The following ULK4 variants were observed in gnomAD, a reference collection of about 807,000 sequenced individuals.
The protein encoded by ULK4 is inactive serine/threonine-protein kinase ULK4.
A neutral mutation model predicts 160.6 loss-of-function variants in ULK4; 133 were observed. The ratio of observed to expected loss-of-function variants is 0.83; its 90% confidence interval spans 0.72 to 0.96. The LOEUF (loss-of-function observed/expected upper bound fraction) is 0.96, where lower values mean the gene tolerates loss of function less well. Ranked by LOEUF, ULK4 falls within the 40% of genes least tolerant of loss-of-function variation. ULK4 has a pLI of 0.00. For missense variants in ULK4, 1,580 were observed against 1,499.5 expected (o/e 1.05, Z -0.89); for synonymous variants, 534 against 539.8 (o/e 0.99, Z 0.15).
chr3:41,918,228 C>T (rs1412588142), intron 7 of ULK4, among the ~76,000 whole-genome samples: 1 of 152,042 alleles, frequency 6.6e-6, no homozygotes. Flanking sequence ...GATATAGATG[C>T]ACAAAATAGT....
intron 2 of ULK4, 75 bp downstream of exon 2, chr3:41,954,547 A>C: frequency 6.7e-7 from 1 of 1,498,896 alleles, no homozygotes; most frequent in Non-Finnish European, 9.0e-7. Context: ...TTCAATGACT[A>C]CTGTGAAAAT....
At chr3:41,510,802 A>T (rs924715071) in intron 32 of ULK4, among the ~76,000 whole-genome samples, 16 of 152,174 alleles carry the variant, frequency 1.1e-4, no homozygotes, top group African/African-American at 3.9e-4. Flanking sequence ...GACACAAGCT[A>T]TCAAAACCTT....
intron 17 of ULK4, among the ~76,000 whole-genome samples, chr3:41,857,858 T>C (rs2042397203): frequency 7.4e-6 from 1 of 134,898 alleles, no homozygotes; most frequent in Non-Finnish European, 1.5e-5. Flanking sequence ...CTGGTTTTCT[T>C]AGTCTGGCTA....
intron 30 of ULK4, among the ~76,000 whole-genome samples, chr3:41,642,698 T>C (rs1172262129): frequency 2.0e-5 from 3 of 152,236 alleles, no homozygotes; most frequent in Non-Finnish European, 2.9e-5. Flanking sequence ...CCTTTGGGTA[T>C]ATACCCAGTA....
chr3:41,468,117 G>A (rs551455909), intron 32 of ULK4, among the ~76,000 whole-genome samples: 1 of 152,224 alleles, frequency 6.6e-6, no homozygotes, highest in South Asian at 2.1e-4. Flanking sequence ...GAGTTTCTAG[G>A]TAATTTTAAG....
intron 32 of ULK4, among the ~76,000 whole-genome samples, chr3:41,463,492 A>C (rs747804652): frequency 7.9e-5 from 12 of 152,194 alleles, no homozygotes; most frequent in Non-Finnish European, 1.5e-4. Flanking sequence ...TTTGATGCAA[A>C]GGTTCCAAAC....
At position 41,713,583 on chromosome 3, in the gene ULK4, A is replaced by G. The variant is rs2037172100; in HGVS notation, c.2634+1654T>C. Among the ~76,000 whole-genome samples the G allele has an allele frequency of 3.3e-5, 5 of 152,220 alleles. No individual in the cohort carries two copies. In the South Asian group the frequency reaches 1.0e-3, roughly 31 times the overall value. ...CAAAAGACTTTCATTTTATTTCCCT[A>G]AACTTCCTCTAATTGGGTGATACCA... On this transcript the variant is annotated intron_variant, in intron 25 of 36. Coordinates refer to ENST00000301831, the MANE Select transcript of ULK4 (RefSeq NM_017886.4).
chr3:41,805,289 G>C (rs1204383423), intron 19 of ULK4, among the ~76,000 whole-genome samples: 2 of 151,794 alleles, frequency 1.3e-5, no homozygotes, highest in African/African-American at 4.8e-5. Flanking sequence ...CTGTTTGTCT[G>C]TTATTGGTGT....
chr3:41,363,821 C>G (rs1180671923), intron 35 of ULK4, among the ~76,000 whole-genome samples: 1 of 152,014 alleles, frequency 6.6e-6, no homozygotes, highest in East Asian at 1.9e-4. Flanking sequence ...CTGCTGTAAT[C>G]TTCATAAAAG....
intron 35 of ULK4, among the ~76,000 whole-genome samples, chr3:41,351,103 C>T (rs1321135663): frequency 3.3e-5 from 5 of 152,178 alleles, no homozygotes; most frequent in South Asian, 2.1e-4. Context: ...GCACGTAGGA[C>T]GGAAGATAAG....
intron 34 of ULK4, among the ~76,000 whole-genome samples, chr3:41,419,107 A>C (rs1340167303): frequency 6.6e-6 from 1 of 152,222 alleles, no homozygotes; most frequent in Non-Finnish European, 1.5e-5. Flanking sequence ...AAATGATAAA[A>C]TAAATGTAGA....
intron 35 of ULK4, among the ~76,000 whole-genome samples, chr3:41,284,555 A>C (rs1053033255): frequency 1.2e-4 from 19 of 152,244 alleles, no homozygotes; most frequent in Admixed American, 1.2e-3. Flanking sequence ...TAAGAGAATG[A>C]AACAGGATCC....
intron 34 of ULK4, among the ~76,000 whole-genome samples, chr3:41,446,818 G>A (rs1028866478): frequency 3.3e-5 from 5 of 151,582 alleles, no homozygotes; most frequent in Non-Finnish European, 5.9e-5. Flanking sequence ...CATGGCACAT[G>A]TATATATATG....
At chr3:41,608,085 A>G (rs1370241020) in intron 31 of ULK4, among the ~76,000 whole-genome samples, 1 of 152,208 alleles carries the variant, frequency 6.6e-6, no homozygotes, top group African/African-American at 2.4e-5. Context: ...TTTCTATGTA[A>G]TAACTTGCCC....
chr3:41,706,885 GTGTGTA>G (rs1222922936), intron 25 of ULK4, among the ~76,000 whole-genome samples: 9 of 127,490 alleles, frequency 7.1e-5, no homozygotes, highest in African/African-American at 1.7e-4. Flanking sequence ...GTGTGTGTGT[GTGTGTA>G]TATATATATA....
intron 32 of ULK4, among the ~76,000 whole-genome samples, chr3:41,498,386 G>T (rs921844939): frequency 6.6e-6 from 1 of 152,146 alleles, no homozygotes; most frequent in Non-Finnish European, 1.5e-5. Flanking sequence ...AGCTTAAAAA[G>T]AGTTGGGTAG....
chr3:41,497,326 A>G (rs1198730188), intron 32 of ULK4, among the ~76,000 whole-genome samples: 7 of 152,134 alleles, frequency 4.6e-5, no homozygotes, highest in Admixed American at 3.9e-4. Flanking sequence ...CTCAACTTGA[A>G]GAAAAGAGAA....
At chr3:41,427,386 T>C (rs759697198) in intron 34 of ULK4, among the ~76,000 whole-genome samples, 4 of 152,160 alleles carry the variant, frequency 2.6e-5, no homozygotes, top group Non-Finnish European at 4.4e-5. Flanking sequence ...TTCCAAACAA[T>C]TGAAAAGAAG....
intron 34 of ULK4, among the ~76,000 whole-genome samples, chr3:41,441,048 G>A (rs1336671419): frequency 6.6e-6 from 1 of 151,884 alleles, no homozygotes; most frequent in African/African-American, 2.4e-5. Context: ...TGATTAGTAT[G>A]GCAATGGGTT....
Sources: gnomAD v4.1 joint callset for allele counts (sites outside exome capture counted in the v4.1 genomes callset) on GRCh38, gnomAD v4.1.1 for gene constraint, MANE v1.5 for transcripts, NCBI Gene and HGNC (gene_info 2026-07-23, HGNC 2026-07-21) for gene names.